PPIP5K2: variants seen among roughly 807,000 people sequenced by gnomAD.
The protein encoded by PPIP5K2 is inositol hexakisphosphate and diphosphoinositol-pentakisphosphate kinase 2.
Under a neutral mutation model 154.6 loss-of-function variants are expected in PPIP5K2, and 105 were observed. That is an observed-to-expected ratio of 0.68 (90% CI 0.58 to 0.80). PPIP5K2 has a LOEUF of 0.80. Ranked by LOEUF, PPIP5K2 falls within the 30% of genes least tolerant of loss-of-function variation. The probability of loss-of-function intolerance (pLI) is 0.00; values close to 1 mark genes in which losing one functional copy is unlikely to be tolerated. For synonymous variants in PPIP5K2, 480 were observed against 490.3 expected, an observed-to-expected ratio of 0.98 and a Z score of 0.28; for missense variants, 992 against 1,504.6, an observed-to-expected ratio of 0.66 and a Z score of 5.64.
intron 17 of PPIP5K2, among the ~76,000 whole-genome samples, chr5:103,162,574 G>A (rs1554216324): frequency 6.6e-6 from 1 of 151,896 alleles, no homozygotes; most frequent in East Asian, 1.9e-4. Context: ...TGTTGCCCAG[G>A]CTAGTCTCGA....
intron 28 of PPIP5K2, among the ~76,000 whole-genome samples, chr5:103,190,574 T>G (rs1198379759): frequency 6.6e-6 from 1 of 151,932 alleles, no homozygotes; most frequent in Non-Finnish European, 1.5e-5. Context: ...TTTTTTAAAG[T>G]ATTATTCTTA....
At chr5:103,170,139 A>G (rs1473607881) in intron 19 of PPIP5K2, among the ~76,000 whole-genome samples, 1 of 151,600 alleles carries the variant, frequency 6.6e-6, no homozygotes. Flanking sequence ...GTAGATGGTC[A>G]TTTCTCCTCC....
At chr5:103,194,820 A>C (rs1006390068) in intron 29 of PPIP5K2, 80 bp from the exon 30 acceptor site, 3 of 1,470,512 alleles carry the variant, frequency 2.0e-6, no homozygotes, top group Non-Finnish European at 2.8e-6. Context: ...GGGTCACTAA[A>C]TTATAAGAAA....
Position 103,207,903 on chromosome 5 carries a change from C to G in PPIP5K2, c.*6269C>G, listed in dbSNP as rs1017145450. ...ATTGTTTCTGCTTGTTCCATTTCTC[C>G]TTTTCTTGAAGTGTTTGTGCATGAA... On this transcript the variant is annotated 3_prime_UTR_variant, in exon 31 of 31. Transcript: ENST00000358359. The G allele has an allele frequency of 2.0e-5, 3 of 151,882 alleles. No individual in the cohort carries two copies. The highest frequency in any genetic ancestry group is 7.3e-5 in the African/African-American group (3 of 41,358). The allele number at this position is 151,882 out of a possible 1,614,324, so 9.4% of individuals were successfully genotyped here. A position where few individuals can be genotyped will look rare whatever the true frequency, so the allele number is the denominator to read the frequency against.
intron 24 of PPIP5K2, among the ~76,000 whole-genome samples, chr5:103,182,159 C>T (rs1799645501): frequency 6.6e-6 from 1 of 152,088 alleles, no homozygotes. Flanking sequence ...ATTGAATAAG[C>T]AATCTATAGT....
At chr5:103,123,396 C>T (rs1789110862) in intron 1 of PPIP5K2, among the ~76,000 whole-genome samples, 1 of 152,192 alleles carries the variant, frequency 6.6e-6, no homozygotes, top group South Asian at 2.1e-4. Context: ...ACATCAGCAT[C>T]ACCTTGGAAC....
chr5:103,167,161 T>C lies in PPIP5K2; in HGVS notation c.1921-18T>C. 6.6e-7 allele frequency: 1 copy of C among 1,504,552 alleles called. No homozygotes were observed. The highest frequency in any genetic ancestry group is 8.9e-7 in the Non-Finnish European group (1 of 1,120,380). 93.2% of individuals were successfully genotyped at this position (1,504,552 alleles called of 1,614,324 possible). ...TAGGCATAACCAGATATAAAATATA[T>C]ACTTTACTCATTTGTAGCTTACTCC... On this transcript the variant is annotated intron_variant, in intron 17 of 30. Coordinates refer to ENST00000358359, the MANE Select transcript of PPIP5K2 (RefSeq NM_001276277.3).
rs973213926 is a variant in PPIP5K2, at chr5:103,189,427, A to G, written c.3353-1415A>G. Among the ~76,000 whole-genome samples the G allele has an allele frequency of 1.8e-4, 27 of 152,110 alleles. 1 individual carries two copies. The highest frequency in any genetic ancestry group is 5.2e-4 in the Admixed American group (8 of 15,258). ...ATAAAATAATTGCTATAAAAGATTT[A>G]TAAACTTTGTGAGGAAAGAAGAAAA... On this transcript the variant is annotated intron_variant, in intron 28 of 30. Transcript: ENST00000358359.
At chr5:103,185,871 T>C (rs977460827) in intron 26 of PPIP5K2, among the ~76,000 whole-genome samples, 2 of 151,974 alleles carry the variant, frequency 1.3e-5, no homozygotes, top group Non-Finnish European at 2.9e-5. Context: ...AGATTTGTCA[T>C]TTATAGACAT....
chr5:103,153,149 C>T (rs1554211880), intron 10 of PPIP5K2, among the ~76,000 whole-genome samples: 1 of 151,468 alleles, frequency 6.6e-6, no homozygotes, highest in Non-Finnish European at 1.5e-5. Context: ...TGACTGAATG[C>T]TTTTTTTTCA....
At chr5:103,186,469 T>A in intron 27 of PPIP5K2, 30 bp downstream of exon 27, 1 of 1,613,164 alleles carries the variant, frequency 6.2e-7, no homozygotes, top group Non-Finnish European at 8.5e-7. Flanking sequence ...CACAGATTCA[T>A]ACCTACACCC....
intron 1 of PPIP5K2, among the ~76,000 whole-genome samples, chr5:103,126,478 G>A (rs1457501644): frequency 6.6e-6 from 1 of 152,092 alleles, no homozygotes; most frequent in African/African-American, 2.4e-5. Flanking sequence ...GAATTATATT[G>A]AAAAGACTAT....
Position 103,152,627 on chromosome 5 carries a change from CTT to C in PPIP5K2, c.1029-18_1029-17del. On this transcript the variant is annotated intron_variant, in intron 9 of 30. Coordinates refer to ENST00000358359, the MANE Select transcript of PPIP5K2 (RefSeq NM_001276277.3). Reference sequence around the variant, plus strand: ...GTCTTAAAACGTACTAATTTTAAATCTTTTCTTTTTTGTCTTGAAGAAATATT... The same window carrying C: ...GTCTTAAAACGTACTAATTTTAAATCTTCTTTTTTGTCTTGAAGAAATATT... The C allele has an allele frequency of 6.7e-7, 1 of 1,482,300 alleles. No homozygotes were observed. The highest frequency in any genetic ancestry group is 9.4e-7 in the Non-Finnish European group (1 of 1,063,850). 91.8% of individuals were successfully genotyped at this position (1,482,300 alleles called of 1,614,324 possible). A position where few individuals can be genotyped will look rare whatever the true frequency, so the allele number is the denominator to read the frequency against.
At chr5:103,193,109 A>G (rs1801500438) in intron 29 of PPIP5K2, among the ~76,000 whole-genome samples, 1 of 152,126 alleles carries the variant, frequency 6.6e-6, no homozygotes, top group Non-Finnish European at 1.5e-5. Flanking sequence ...TTTAAAGAAA[A>G]AATCGTAGAA....
Position 103,167,210 on chromosome 5 carries a change from A to C in PPIP5K2, c.1952A>C (p.Lys651Thr). Residue 651 changes from lysine to threonine, a missense_variant, in exon 18 of 31, where the codon AAA (lysine) becomes ACA (threonine). Physicochemically the swap from Lys to Thr is moderately conservative, Grantham distance 78. This residue lies in a region of PPIP5K2 where 82 missense variants were observed against 91.8 expected (regional missense o/e 0.89). Transcript: ENST00000358359. ...LTPSGSISLI[K>T]SMHLIKNPVK... ...CCATCTGGAAGCATTTCTCTTATCA[A>C]ATCAATGCATTTAATTAAAAACCCT... is the stretch of plus-strand genomic sequence containing the variant. The C allele has an allele frequency of 6.3e-7, 1 of 1,587,814 alleles. No individual in the cohort carries two copies. Among genetic ancestry groups the C allele is most frequent in the Admixed American group, 1.8e-5 (1 of 57,052 alleles).
chr5:103,191,033 A>C, intron 29 of PPIP5K2, 51 bp downstream of exon 29: 1 of 1,535,902 alleles, frequency 6.5e-7, no homozygotes, highest in African/African-American at 1.4e-5. Context: ...GCAACTACAT[A>C]CTATCTGAGT....
intron 26 of PPIP5K2, among the ~76,000 whole-genome samples, chr5:103,185,204 A>G (rs1337675047): frequency 1.3e-5 from 2 of 152,160 alleles, no homozygotes; most frequent in Admixed American, 1.3e-4. Context: ...AAGCAAAACT[A>G]ATGCACAGTG....
Position 103,183,338 on chromosome 5 carries a change from A to G in PPIP5K2, c.3027A>G (p.Gln1009=). 1 of 1,610,168 alleles carries G rather than the reference A, an allele frequency of 6.2e-7. No homozygotes were observed. The highest frequency in any genetic ancestry group is 8.5e-7 in the Non-Finnish European group (1 of 1,178,718). ...GTCGAAGACGCAGATCAGGGGAACA[A>G]ATCACTTCTTCCCCTGTCTCCCCCA... is the stretch of plus-strand genomic sequence containing the variant. ...TGRRRRRSGE[Q]ITSSPVSPKS... is the part of the protein sequence containing the mutation. The change falls in exon 25 of 31, where the codon CAA becomes CAG. Residue 1009 remains glutamine, a synonymous_variant. Transcript: ENST00000358359.
chr5:103,185,301 AT>A (rs1800186473), intron 26 of PPIP5K2, among the ~76,000 whole-genome samples: 1 of 152,070 alleles, frequency 6.6e-6, no homozygotes, highest in African/African-American at 2.4e-5. Context: ...TTCTAAACTC[AT>A]TTGGTTTGAA....
Sources: allele counts gnomAD v4.1 joint callset (sites outside exome capture counted in the v4.1 genomes callset), GRCh38; gene constraint gnomAD v4.1.1; regional missense constraint gnomAD v4.1.1; transcripts MANE v1.5; gene names NCBI Gene and HGNC (gene_info 2026-07-23, HGNC 2026-07-21).